The following PCDHA13 variants were observed in gnomAD, a reference collection of about 807,000 sequenced individuals.
The protein encoded by PCDHA13 is protocadherin alpha 13.
Under a neutral mutation model 64.8 loss-of-function variants are expected in PCDHA13, and 54 were observed. That is an observed-to-expected ratio of 0.83 (90% CI 0.67 to 1.04). The LOEUF is 1.04. Among genes scored for constraint, PCDHA13 ranks in the 50% least tolerant of loss-of-function variants. The pLI, the probability that PCDHA13 is intolerant of heterozygous loss-of-function variation, is 0.00. For synonymous variants in PCDHA13, 587 were observed against 564.4 expected (o/e 1.04, Z -0.57); for missense variants, 1,248 against 1,254.3 (o/e 0.99, Z 0.08).
At chr5:140,948,325 C>T (rs1554218520) in intron 1 of PCDHA13, among the ~76,000 whole-genome samples, 1 of 151,476 alleles carries the variant, frequency 6.6e-6, no homozygotes. Flanking sequence ...GTAATGTTTT[C>T]ATTAGGTTTT....
intron 1 of PCDHA13, chr5:140,929,850 G>T: frequency 6.5e-6 from 1 of 154,348 alleles, no homozygotes. Flanking sequence ...GAGGAGGAAG[G>T]AGTCAGAGAA....
At chr5:140,992,925 C>G (rs548869982) in intron 3 of PCDHA13, among the ~76,000 whole-genome samples, 1 of 152,312 alleles carries the variant, frequency 6.6e-6, no homozygotes, top group South Asian at 2.1e-4. Flanking sequence ...TCCATACTTA[C>G]AGCAGCTCTG....
At chr5:140,909,709 A>G (rs2153511702) in intron 1 of PCDHA13, among the ~76,000 whole-genome samples, 1 of 152,294 alleles carries the variant, frequency 6.6e-6, no homozygotes, top group Non-Finnish European at 1.5e-5. Context: ...GCTGCTAAGT[A>G]TACCTATGCC....
At chr5:140,959,602 CT>C (rs1554224184) in intron 1 of PCDHA13, among the ~76,000 whole-genome samples, 1 of 152,008 alleles carries the variant, frequency 6.6e-6, no homozygotes, top group Admixed American at 6.6e-5. Flanking sequence ...GTATAACATG[CT>C]TTTCTTGCTT....
intron 1 of PCDHA13, among the ~76,000 whole-genome samples, chr5:140,937,993 G>A (rs1554211932): frequency 6.6e-6 from 1 of 151,358 alleles, no homozygotes. Flanking sequence ...TGTTAACTTT[G>A]TATCCAATGT....
At chr5:140,893,416 G>A (rs1351047268) in intron 1 of PCDHA13, among the ~76,000 whole-genome samples, 1 of 152,136 alleles carries the variant, frequency 6.6e-6, no homozygotes, top group Non-Finnish European at 1.5e-5. Context: ...ACTTAGGGAG[G>A]CAGAGGCAGG....
intron 1 of PCDHA13, among the ~76,000 whole-genome samples, chr5:140,916,853 T>G (rs1233420106): frequency 1.3e-5 from 2 of 152,160 alleles, no homozygotes; most frequent in East Asian, 3.9e-4. Flanking sequence ...AGCCCAGCAC[T>G]AGGAGTTACC....
intron 3 of PCDHA13, among the ~76,000 whole-genome samples, chr5:141,002,751 C>T (rs1204940300): frequency 3.9e-5 from 6 of 152,152 alleles, no homozygotes; most frequent in African/African-American, 1.4e-4. Context: ...CATCGACAAC[C>T]CTGTGATGTA....
chr5:140,926,967 A>G (rs782296182), intron 1 of PCDHA13: 4 of 1,606,666 alleles, frequency 2.5e-6, no homozygotes, highest in Middle Eastern at 1.7e-4. Context: ...TCGAGTACTC[A>G]GTGCCGGAGG....
chr5:140,945,201 T>G (rs1168662297), intron 1 of PCDHA13, among the ~76,000 whole-genome samples: 1 of 152,172 alleles, frequency 6.6e-6, no homozygotes, highest in Middle Eastern at 3.4e-3. Context: ...CTATTTACAA[T>G]AGCTATGAGA....
At chr5:140,922,072 A>C (rs1390677282) in intron 1 of PCDHA13, among the ~76,000 whole-genome samples, 1 of 152,198 alleles carries the variant, frequency 6.6e-6, no homozygotes, top group East Asian at 1.9e-4. Context: ...AATCCCACTA[A>C]GCAAAAAGTG....
At chr5:140,918,967 C>T (rs1461992761) in intron 1 of PCDHA13, among the ~76,000 whole-genome samples, 1 of 152,164 alleles carries the variant, frequency 6.6e-6, no homozygotes, top group Non-Finnish European at 1.5e-5. Context: ...AGACAGATAT[C>T]GTTTAGGTTA....
At chr5:140,903,149 T>C (rs1329505317) in intron 1 of PCDHA13, among the ~76,000 whole-genome samples, 1 of 152,242 alleles carries the variant, frequency 6.6e-6, no homozygotes, top group Non-Finnish European at 1.5e-5. Context: ...CTGTTTTCCA[T>C]AGTGGTTGTG....
chr5:140,935,242 A>G (rs1054515711), intron 1 of PCDHA13, among the ~76,000 whole-genome samples: 16 of 152,218 alleles, frequency 1.1e-4, no homozygotes, highest in African/African-American at 3.6e-4. Context: ...ATTTTTTAAA[A>G]GATAAAATAC....
chr5:140,882,643 C>T lies in PCDHA13; in HGVS notation c.375C>T (p.Asp125=). ...QVFHVEVKVR[D]INDNPPIFPE... ...TCCATGTGGAGGTGAAGGTGAGGGA[C>T]ATTAACGACAACCCGCCCATATTCC... The change falls in exon 1 of 4, where the codon GAC becomes GAT. Residue 125 remains aspartate (D), a synonymous_variant. Coordinates refer to ENST00000289272, the MANE Select transcript of PCDHA13 (RefSeq NM_018904.3). 6.2e-7 allele frequency: 1 copy of T among 1,614,190 alleles called. No homozygotes were observed. The highest frequency in any genetic ancestry group is 8.5e-7 in the Non-Finnish European group (1 of 1,180,032).
At chr5:140,943,405 A>G (rs1030211474) in intron 1 of PCDHA13, among the ~76,000 whole-genome samples, 2 of 152,164 alleles carry the variant, frequency 1.3e-5, no homozygotes, top group Non-Finnish European at 2.9e-5. Flanking sequence ...ATTTAAATTC[A>G]GACTAGAGGC....
In PCDHA13 at chr5:140,949,530, A is replaced by G. The variant is rs535959568; in HGVS notation, c.2395-29419A>G. Among the ~76,000 whole-genome samples, 8 of 151,972 alleles carry G rather than the reference A, an allele frequency of 5.3e-5. No homozygotes were observed. The South Asian group carries it at 1.7e-3, about 31-fold the overall frequency. On this transcript the variant is annotated intron_variant, in intron 1 of 3. Coordinates refer to ENST00000289272, the MANE Select transcript of PCDHA13 (RefSeq NM_018904.3). ...GATTTATTGATCCTTTTATCTTCATAAAATATCGATTTGTTGCTGGTCATA... is the reference window on the plus strand; with the variant it reads ...GATTTATTGATCCTTTTATCTTCATGAAATATCGATTTGTTGCTGGTCATA...
rs781992873 is a variant in PCDHA13 at position 140,883,126 on chromosome 5, G to T, written c.858G>T (p.Trp286Cys). 6.2e-7 allele frequency: 1 copy of T among 1,614,036 alleles called. No individual in the cohort carries two copies. Among genetic ancestry groups the T allele is most frequent in the Non-Finnish European group, 8.5e-7 (1 of 1,180,020 alleles). Reference sequence around the variant, plus strand: ...TTTACTCATTTAGAAGGCCTGTATGGCCTGCAGTGGTATATGCATTTACCA... The same window carrying T: ...TTTACTCATTTAGAAGGCCTGTATGTCCTGCAGTGGTATATGCATTTACCA... ...DIVYSFRRPV[W>C]PAVVYAFTIN... Residue 286 changes from tryptophan to cysteine, a missense_variant, in exon 1 of 4, where the codon TGG becomes TGT. By Grantham distance (215) the Trp-to-Cys change is radical (BLOSUM62 -2). Coordinates refer to ENST00000289272, the MANE Select transcript of PCDHA13 (RefSeq NM_018904.3).
At position 140,941,221 on chromosome 5, in the gene PCDHA13, T is replaced by TTC. The variant is rs1217645089; in HGVS notation, c.2395-37726_2395-37725dup. Among the ~76,000 whole-genome samples the TTC allele has an allele frequency of 5.2e-4, 68 of 131,640 alleles. 1 individual carries two copies. Among genetic ancestry groups the TTC allele is most frequent in the African/African-American group, 2.0e-3 (67 of 33,088 alleles). 86.4% of individuals were successfully genotyped at this position (131,640 alleles called of 152,430 possible). A position where few individuals can be genotyped will look rare whatever the true frequency, so the allele number is the denominator to read the frequency against. Reference sequence around the variant, plus strand: ...TTTCTTCCTTTCTTTCTTCCTTTCTTTCTTTCTTTCTTTCTTTCTTTCTTT... The same window carrying TTC: ...TTTCTTCCTTTCTTTCTTCCTTTCTTTCTCTTTCTTTCTTTCTTTCTTTCTTT... On this transcript the variant is annotated intron_variant, in intron 1 of 3. Transcript: ENST00000289272.
Sources: gnomAD v4.1 joint callset for allele counts (sites outside exome capture counted in the v4.1 genomes callset) on GRCh38, gnomAD v4.1.1 for gene constraint, MANE v1.5 for transcripts, NCBI Gene and HGNC (gene_info 2026-07-23, HGNC 2026-07-21) for gene names.